The following AGBL4 variants were observed in gnomAD, a reference collection of about 807,000 sequenced individuals.
AGBL4 encodes the protein AGBL carboxypeptidase 4, also known as cytosolic carboxypeptidase 6.
AGBL4 carries 58 observed loss-of-function variants against 66.4 expected under a neutral mutation model. The observed-to-expected ratio is 0.87, with a 90% CI of 0.71 to 1.09. The LOEUF is 1.09. Ranked by LOEUF, AGBL4 falls within the 50% of genes least tolerant of loss-of-function variation. The pLI is 0.00. For synonymous variants in AGBL4, 234 were observed against 222.9 expected, an observed-to-expected ratio of 1.05 and a Z score of -0.44; for missense variants, 579 against 631.0, an observed-to-expected ratio of 0.92 and a Z score of 0.88.
At chr1:49,956,003 T>A (rs1408968630) in intron 1 of AGBL4, among the ~76,000 whole-genome samples, 1 of 151,970 alleles carries the variant, frequency 6.6e-6, no homozygotes, top group South Asian at 2.1e-4. Context: ...ATGTATATTT[T>A]ATATAATTTA....
At chr1:49,567,632 A>C (rs1644240691) in intron 3 of AGBL4, among the ~76,000 whole-genome samples, 1 of 152,130 alleles carries the variant, frequency 6.6e-6, no homozygotes, top group Non-Finnish European at 1.5e-5. Flanking sequence ...ATAGGGAAAC[A>C]TGTGCCATGG....
chr1:49,175,422 T>C (rs755278095), intron 4 of AGBL4, among the ~76,000 whole-genome samples: 1 of 152,076 alleles, frequency 6.6e-6, no homozygotes, highest in Non-Finnish European at 1.5e-5. Context: ...GGAAAGATAA[T>C]GGCAACTTAA....
At chr1:49,251,414 C>G (rs1054568517) in intron 3 of AGBL4, among the ~76,000 whole-genome samples, 4 of 152,314 alleles carry the variant, frequency 2.6e-5, no homozygotes, top group African/African-American at 9.6e-5. Flanking sequence ...ACAGAGCCAG[C>G]AAGCCCCACC....
intron 4 of AGBL4, among the ~76,000 whole-genome samples, chr1:49,162,338 C>G (rs1176555604): frequency 1.3e-5 from 2 of 152,116 alleles, no homozygotes; most frequent in Non-Finnish European, 2.9e-5. Context: ...CCCTATATTT[C>G]TGGAGTTACT....
At chr1:49,220,494 G>C (rs1485437607) in intron 4 of AGBL4, among the ~76,000 whole-genome samples, 1 of 152,120 alleles carries the variant, frequency 6.6e-6, no homozygotes, top group Non-Finnish European at 1.5e-5. Flanking sequence ...TTGATTATAA[G>C]ACATCTATGA....
intron 5 of AGBL4, among the ~76,000 whole-genome samples, chr1:48,926,672 T>C (rs984020660): frequency 6.6e-6 from 1 of 152,114 alleles, no homozygotes; most frequent in African/African-American, 2.4e-5. Flanking sequence ...GAAACTGATA[T>C]ATGTATAATA....
chr1:49,337,879 C>G (rs753405722), intron 3 of AGBL4, among the ~76,000 whole-genome samples: 1 of 152,174 alleles, frequency 6.6e-6, no homozygotes, highest in Non-Finnish European at 1.5e-5. Context: ...CTATTTCAAC[C>G]ATTATTTAAC....
chr1:49,004,904 C>T (rs1285094761), intron 5 of AGBL4, among the ~76,000 whole-genome samples: 1 of 152,128 alleles, frequency 6.6e-6, no homozygotes. Flanking sequence ...TATAGCATGC[C>T]TGGTGACGTT....
At chr1:49,651,387 C>G (rs1014781313) in intron 3 of AGBL4, among the ~76,000 whole-genome samples, 3 of 152,094 alleles carry the variant, frequency 2.0e-5, no homozygotes, top group Non-Finnish European at 4.4e-5. Flanking sequence ...AGTGCCTACT[C>G]TTAAACACCA....
chr1:49,015,278 T>C lies in AGBL4; in HGVS notation c.594+30306A>G, dbSNP rs976962589. Among the ~76,000 whole-genome samples, 4 of 151,968 alleles carry C rather than the reference T, an allele frequency of 2.6e-5. No homozygotes were observed. In the East Asian group the frequency reaches 7.7e-4, roughly 29 times the overall value. On this transcript the variant is annotated intron_variant, in intron 5 of 13. Transcript: ENST00000371839. ...CTTTTCCCCTCATCTTTCCGCTATC[T>C]AAAGCTGGGGGAATGGTAGGGTTTG...
chr1:48,920,672 G>A (rs1056339743), intron 5 of AGBL4, among the ~76,000 whole-genome samples: 8 of 152,156 alleles, frequency 5.3e-5, no homozygotes, highest in African/African-American at 1.9e-4. Context: ...CTAAGGTCAC[G>A]TAGACCTGCC....
chr1:49,542,070 G>A (rs1033010752), intron 3 of AGBL4, among the ~76,000 whole-genome samples: 1 of 152,058 alleles, frequency 6.6e-6, no homozygotes, highest in Non-Finnish European at 1.5e-5. Flanking sequence ...CTTGGAGAAC[G>A]TTTGTGTCTA....
chr1:48,738,145 C>T (rs1167619668), intron 6 of AGBL4, among the ~76,000 whole-genome samples: 2 of 152,168 alleles, frequency 1.3e-5, no homozygotes, highest in African/African-American at 4.8e-5. Flanking sequence ...GTCAGGTCAG[C>T]CAGCAAAACT....
At chr1:49,698,252 G>A (rs538217260) in intron 2 of AGBL4, among the ~76,000 whole-genome samples, 79 of 151,944 alleles carry the variant, frequency 5.2e-4, no homozygotes, top group Non-Finnish European at 9.1e-4. Context: ...TCCAACATCT[G>A]TTTCCTCAAC....
At chr1:49,680,803 C>T (rs552139917) in intron 3 of AGBL4, among the ~76,000 whole-genome samples, 1 of 151,874 alleles carries the variant, frequency 6.6e-6, no homozygotes, top group Non-Finnish European at 1.5e-5. Flanking sequence ...ATTTTCAGCT[C>T]CAGTCTCTTT....
chr1:48,728,406 T>A (rs866889454), intron 6 of AGBL4, among the ~76,000 whole-genome samples: 2 of 152,056 alleles, frequency 1.3e-5, no homozygotes, highest in Middle Eastern at 3.4e-3. Flanking sequence ...AACACATGTA[T>A]GTATCCTTAA....
intron 6 of AGBL4, among the ~76,000 whole-genome samples, chr1:48,863,257 A>G (rs1647660453): frequency 6.6e-6 from 1 of 152,170 alleles, no homozygotes; most frequent in Non-Finnish European, 1.5e-5. Flanking sequence ...ATAACCAGTT[A>G]AGGTTAGAAA....
chr1:49,591,164 G>A (rs1644744704), intron 3 of AGBL4, among the ~76,000 whole-genome samples: 1 of 151,726 alleles, frequency 6.6e-6, no homozygotes, highest in Non-Finnish European at 1.5e-5. Flanking sequence ...GATTAGGTGG[G>A]AGGCAACCAA....
intron 1 of AGBL4, among the ~76,000 whole-genome samples, chr1:49,916,714 C>G (rs981379127): frequency 1.3e-5 from 2 of 152,062 alleles, no homozygotes; most frequent in South Asian, 2.1e-4. Flanking sequence ...CCAACATTCA[C>G]ATTCAGGAAA....
Sources: allele counts gnomAD v4.1 joint callset (sites outside exome capture counted in the v4.1 genomes callset), GRCh38; gene constraint gnomAD v4.1.1; transcripts MANE v1.5; gene names NCBI Gene and HGNC (gene_info 2026-07-23, HGNC 2026-07-21).